Variants in LRRC7 observed in about 807,000 individuals in gnomAD.
LRRC7 encodes leucine-rich repeat-containing protein 7.
LRRC7 carries 23 observed loss-of-function variants against 175.7 expected under a neutral mutation model. That is an observed-to-expected ratio of 0.13 (90% CI 0.09 to 0.19). The LOEUF (loss-of-function observed/expected upper bound fraction) is 0.19. LRRC7 is among the 10% of genes least tolerant of loss of function. The probability of loss-of-function intolerance (pLI) is 1.00; values close to 1 mark genes in which losing one functional copy is unlikely to be tolerated. For missense variants in LRRC7, 1,354 were observed against 1,904.7 expected (o/e 0.71, Z 5.38); for synonymous variants, 685 against 680.9 (o/e 1.01, Z -0.09).
chr1:69,987,823 T>C (rs990758389), intron 10 of LRRC7, among the ~76,000 whole-genome samples: 6 of 152,230 alleles, frequency 3.9e-5, no homozygotes, highest in Admixed American at 2.6e-4. Flanking sequence ...GTTGACTTTT[T>C]ATTTACAAAA....
At chr1:69,920,139 T>TC in intron 7 of LRRC7, 1 of 199,404 alleles carries the variant, frequency 5.0e-6, no homozygotes, top group Non-Finnish European at 1.0e-5. Flanking sequence ...GAAGATCTGG[T>TC]CAGCAGAGCC....
chr1:69,666,252 G>T (rs227123), intron 1 of LRRC7, among the ~76,000 whole-genome samples: 101,630 of 151,950 alleles, frequency 0.67, 34,438 homozygotes, highest in African/African-American at 0.77. Flanking sequence ...ATGTTTGCAT[G>T]AATATTCATC....
At chr1:69,976,126 TAGTC>T (rs1360459686) in intron 8 of LRRC7, among the ~76,000 whole-genome samples, 4 of 152,196 alleles carry the variant, frequency 2.6e-5, no homozygotes, top group African/African-American at 7.2e-5. Context: ...ATGTCTGTAT[TAGTC>T]AGGATTCTCT....
intron 8 of LRRC7, among the ~76,000 whole-genome samples, chr1:69,960,557 T>C (rs12038529): frequency 0.043 from 6,526 of 152,128 alleles, 166 homozygotes; most frequent in South Asian, 0.1. Flanking sequence ...CTAGTTCTTT[T>C]AGTTCTGATG....
chr1:69,657,780 A>C (rs1000155439), intron 1 of LRRC7, among the ~76,000 whole-genome samples: 1 of 151,872 alleles, frequency 6.6e-6, no homozygotes, highest in Admixed American at 6.6e-5. Flanking sequence ...TGCTAAAATA[A>C]CCAGTTTCTG....
Position 69,762,943 on chromosome 1 carries a change from AT to A in LRRC7, c.303+2558del, listed in dbSNP as rs569950765. 4.6e-5 allele frequency among the ~76,000 whole-genome samples: 7 copies of A among 151,778 alleles called. No individual in the cohort carries two copies. The South Asian group carries it at 6.2e-4, about 13-fold the overall frequency. On this transcript the variant is annotated intron_variant, in intron 3 of 26. Coordinates refer to ENST00000651989, the MANE Select transcript of LRRC7 (RefSeq NM_001370785.2). Reference sequence around the variant, plus strand: ...AGGTTTCTGTGAGTTTCAAGGTTGAATTTTTTTTACTTTCATAAAACAGCCA... The same window carrying A: ...AGGTTTCTGTGAGTTTCAAGGTTGAATTTTTTTACTTTCATAAAACAGCCA...
intron 3 of LRRC7, among the ~76,000 whole-genome samples, chr1:69,781,913 G>GA (rs1553155298): frequency 5.9e-5 from 4 of 68,068 alleles, no homozygotes; most frequent in African/African-American, 1.4e-4. Flanking sequence ...GAAAGAAAAA[G>GA]AAGAAAGAAA....
Position 70,135,665 on chromosome 1 carries a change from G to A in LRRC7, c.*13778G>A, listed in dbSNP as rs780337987. ...CTTCACTTTTATTGATGATCATTAA[G>A]CTAGAATCTGTAAAAGAGAAAGTTG... On this transcript the variant is annotated 3_prime_UTR_variant, in exon 27 of 27. Coordinates refer to ENST00000651989, the MANE Select transcript of LRRC7 (RefSeq NM_001370785.2). 3.4e-4 allele frequency among the ~76,000 whole-genome samples: 52 copies of A among 152,184 alleles called. No individual in the cohort carries two copies. The highest frequency in any genetic ancestry group is 6.9e-4 in the Non-Finnish European group (47 of 68,032).
intron 10 of LRRC7, among the ~76,000 whole-genome samples, chr1:69,989,378 G>T (rs933275808): frequency 2.0e-5 from 3 of 151,950 alleles, no homozygotes; most frequent in Admixed American, 6.6e-5. Context: ...ATTTTAATTT[G>T]CCAAAAAGTT....
chr1:69,976,782 T>G (rs544720580), intron 8 of LRRC7, among the ~76,000 whole-genome samples: 2 of 152,208 alleles, frequency 1.3e-5, no homozygotes, highest in African/African-American at 2.4e-5. Context: ...TTAGTGTCCC[T>G]TAAGGTACTG....
At chr1:69,964,452 A>G (rs1651459898) in intron 8 of LRRC7, among the ~76,000 whole-genome samples, 1 of 152,206 alleles carries the variant, frequency 6.6e-6, no homozygotes, top group Admixed American at 6.5e-5. Context: ...CTGCCTGTCC[A>G]GGGATGCTAC....
chr1:69,913,665 C>T (rs976479122), intron 7 of LRRC7, among the ~76,000 whole-genome samples: 3 of 152,038 alleles, frequency 2.0e-5, no homozygotes, highest in Admixed American at 2.0e-4. Context: ...GCACCCATGA[C>T]CACGCCTGGC....
At chr1:69,642,999 G>C (rs1188654719) in intron 1 of LRRC7, among the ~76,000 whole-genome samples, 6 of 152,096 alleles carry the variant, frequency 3.9e-5, no homozygotes, top group Admixed American at 3.9e-4. Flanking sequence ...AACCAGGGGA[G>C]CTGATGGTAT....
chr1:70,118,063 GCACACA>G (rs71583108), intron 26 of LRRC7, among the ~76,000 whole-genome samples: 3,533 of 146,832 alleles, frequency 0.024, 62 homozygotes, highest in Middle Eastern at 0.048. Context: ...CTTCTTCTAT[GCACACA>G]CACACACACA....
intron 8 of LRRC7, among the ~76,000 whole-genome samples, chr1:69,973,659 A>G (rs547694798): frequency 2.0e-5 from 3 of 152,260 alleles, no homozygotes; most frequent in African/African-American, 4.8e-5. Context: ...CAGTGGCGCA[A>G]TCTTGGCTCA....
At chr1:69,903,000 T>C (rs909965472) in intron 7 of LRRC7, among the ~76,000 whole-genome samples, 11 of 152,352 alleles carry the variant, frequency 7.2e-5, no homozygotes, top group African/African-American at 2.4e-4. Flanking sequence ...TTATTTCTGA[T>C]AGTTGTCCTT....
chr1:69,906,913 G>A (rs1455202361), intron 7 of LRRC7, among the ~76,000 whole-genome samples: 1 of 152,086 alleles, frequency 6.6e-6, no homozygotes. Flanking sequence ...TCTTCCATTT[G>A]TTTGTATCCT....
At chr1:69,601,521 A>T (rs943725584) in intron 1 of LRRC7, among the ~76,000 whole-genome samples, 7 of 152,202 alleles carry the variant, frequency 4.6e-5, no homozygotes, top group African/African-American at 1.7e-4. Context: ...TATTTTCTCA[A>T]CTAGAGGATA....
rs769692717 is a variant in LRRC7, at chr1:70,038,841, A to G, written c.3017A>G (p.Tyr1006Cys). 2.5e-6 allele frequency: 4 copies of G among 1,614,084 alleles called. No individual in the cohort carries two copies. The highest frequency in any genetic ancestry group is 2.2e-5 in the South Asian group (2 of 91,072). Residue 1006 changes from tyrosine (Y) to cysteine (C), a missense_variant, in exon 21 of 27, where the codon TAT becomes TGT. Coordinates refer to ENST00000651989, the MANE Select transcript of LRRC7 (RefSeq NM_001370785.2). ...GTGTATAACATACCATTAGAAAACT[A>G]TGCTTCTGGGAGTGATCACTTAGGA... ...YKVYNIPLEN[Y>C]ASGSDHLGSH...
Sources: allele counts gnomAD v4.1 joint callset (sites outside exome capture counted in the v4.1 genomes callset), GRCh38; gene constraint gnomAD v4.1.1; transcripts MANE v1.5; gene names NCBI Gene and HGNC (gene_info 2026-07-23, HGNC 2026-07-21).